CDR2: variants seen among roughly 807,000 people sequenced by gnomAD.
The protein encoded by CDR2 is cerebellar degeneration related protein 2.
Under a neutral mutation model 48.4 loss-of-function variants are expected in CDR2, and 34 were observed. That is an observed-to-expected ratio of 0.70 (90% CI 0.53 to 0.94). The LOEUF (loss-of-function observed/expected upper bound fraction) is 0.94, where lower values mean the gene tolerates loss of function less well. Ranked by LOEUF, CDR2 falls within the 40% of genes least tolerant of loss-of-function variation. The probability of loss-of-function intolerance (pLI) is 0.00; values close to 1 mark genes in which losing one functional copy is unlikely to be tolerated. For synonymous variants in CDR2, 240 were observed against 219.7 expected, an observed-to-expected ratio of 1.09 and a Z score of -0.82; for missense variants, 498 against 549.5, an observed-to-expected ratio of 0.91 and a Z score of 0.94.
chr16:22,357,466 C>T lies in CDR2; in HGVS notation c.192+7436G>A, dbSNP rs570333856. 2.6e-5 allele frequency among the ~76,000 whole-genome samples: 4 copies of T among 152,294 alleles called. No individual in the cohort carries two copies. In the South Asian group the frequency reaches 6.2e-4, roughly 24 times the overall value. ...GTTTCTAGACTTTTCTTCACAACAG[C>T]TTATTGTGCTTGGCATGACTCAGAC... On this transcript the variant is annotated intron_variant, in intron 2 of 4. Coordinates refer to ENST00000268383, the MANE Select transcript of CDR2 (RefSeq NM_001802.2).
In CDR2 at chr16:22,364,625, G is replaced by A. The variant is rs1225366053; in HGVS notation, c.192+277C>T. On this transcript the variant is annotated intron_variant, in intron 2 of 4. Coordinates refer to ENST00000268383, the MANE Select transcript of CDR2 (RefSeq NM_001802.2). ...TGCCTGTAATCCCAGCACTTTGGGA[G>A]GCCAAGGCAGGTGGATCATCTGAGG... Among the ~76,000 whole-genome samples, 6 of 152,280 alleles carry A rather than the reference G, an allele frequency of 3.9e-5. No homozygotes were observed. The East Asian group carries it at 1.2e-3, about 29-fold the overall frequency.
intron 1 of CDR2, among the ~76,000 whole-genome samples, chr16:22,373,385 A>G (rs2049091600): frequency 1.3e-5 from 2 of 152,228 alleles, no homozygotes; most frequent in Admixed American, 6.5e-5. Context: ...ACTATGCCTA[A>G]CAGCTTAACG....
chr16:22,358,433 A>C (rs1380750998), intron 2 of CDR2, among the ~76,000 whole-genome samples: 1 of 152,226 alleles, frequency 6.6e-6, no homozygotes, highest in African/African-American at 2.4e-5. Flanking sequence ...ACAAGGTTCC[A>C]GTTATGCACA....
At chr16:22,350,912 T>C (rs1221413471) in intron 2 of CDR2, among the ~76,000 whole-genome samples, 2 of 152,308 alleles carry the variant, frequency 1.3e-5, no homozygotes, top group African/African-American at 4.8e-5. Flanking sequence ...AGTTCTAGGG[T>C]ACATGTGCAC....
At chr16:22,372,351 G>A (rs2049084190) in intron 1 of CDR2, among the ~76,000 whole-genome samples, 1 of 152,172 alleles carries the variant, frequency 6.6e-6, no homozygotes, top group African/African-American at 2.4e-5. Flanking sequence ...TAAGGCACCT[G>A]ATGGAAGAGA....
intron 1 of CDR2, among the ~76,000 whole-genome samples, chr16:22,372,739 G>A (rs1042907886): frequency 3.3e-5 from 5 of 152,174 alleles, no homozygotes; most frequent in African/African-American, 1.2e-4. Flanking sequence ...AAGTAGCTTG[G>A]ACTCTGTAAG....
intron 1 of CDR2, 70 bp downstream of exon 1, chr16:22,374,161 T>C: frequency 9.6e-7 from 1 of 1,045,094 alleles, no homozygotes; most frequent in Non-Finnish European, 1.4e-6. Context: ...AAAGCAACTT[T>C]TTAACAGTTT....
In CDR2 at chr16:22,347,186, A is replaced by T. The variant is rs528530432; in HGVS notation, c.1144T>A (p.Ser382Thr). 13 of 1,614,170 alleles carry T rather than the reference A, an allele frequency of 8.1e-6. No homozygotes were observed. The South Asian group carries it at 1.4e-4, about 18-fold the overall frequency. The change falls in exon 5 of 5, where the codon TCC (serine) becomes ACC (threonine). Residue 382 changes from serine to threonine, a missense_variant. Physicochemically the swap from Ser to Thr is moderately conservative, Grantham distance 58 (BLOSUM62 1). Transcript: ENST00000268383. Reference protein sequence around the residue: ...DSLSHKAVQTSRAAAKDLTGV... With the variant: ...DSLSHKAVQTTRAAAKDLTGV... ...GTCAGGTCCTTGGCTGCAGCCCTGG[A>T]GGTCTGCACAGCCTTGTGTGACAGG...
chr16:22,364,817 C>T (rs559278396), intron 2 of CDR2, 85 bp downstream of exon 2: 9 of 729,720 alleles, frequency 1.2e-5, no homozygotes, highest in Non-Finnish European at 2.1e-5. Context: ...CATCTAATTG[C>T]AAGTGCTTTT....
intron 1 of CDR2, among the ~76,000 whole-genome samples, chr16:22,371,274 G>A (rs974565150): frequency 5.3e-5 from 8 of 152,118 alleles, no homozygotes; most frequent in South Asian, 2.1e-4. Context: ...TAATAATGAG[G>A]ATGTTAAAAA....
At chr16:22,362,086 A>G (rs1425369575) in intron 2 of CDR2, among the ~76,000 whole-genome samples, 1 of 151,956 alleles carries the variant, frequency 6.6e-6, no homozygotes, top group Non-Finnish European at 1.5e-5. Context: ...TGTTTTTACT[A>G]GAGACGGGGT....
chr16:22,347,299 G>A lies in CDR2; in HGVS notation c.1031C>T (p.Ser344Phe). The change falls in exon 5 of 5, where the codon TCC becomes TTC. Residue 344 changes from serine (S) to phenylalanine (F), a missense_variant. Coordinates refer to ENST00000268383, the MANE Select transcript of CDR2 (RefSeq NM_001802.2). ...CTGCGTGTCCACTTCGTGCAGAAGGGAGATGCCCCTCTGTTTCACAGCCTT... is the reference window on the plus strand; with the variant it reads ...CTGCGTGTCCACTTCGTGCAGAAGGAAGATGCCCCTCTGTTTCACAGCCTT... ...RAKAVKQRGI[S>F]LLHEVDTQYS... 1 of 1,614,236 alleles carries A rather than the reference G, an allele frequency of 6.2e-7. No individual in the cohort carries two copies. The highest frequency in any genetic ancestry group is 1.7e-5 in the Admixed American group (1 of 60,022).
intron 2 of CDR2, among the ~76,000 whole-genome samples, chr16:22,362,467 C>T (rs2049016724): frequency 6.6e-6 from 1 of 152,182 alleles, no homozygotes; most frequent in Non-Finnish European, 1.5e-5. Flanking sequence ...ATTTACACTT[C>T]TTTCAGCTAC....
chr16:22,367,928 T>A (rs1246014164), intron 1 of CDR2, among the ~76,000 whole-genome samples: 2 of 152,126 alleles, frequency 1.3e-5, no homozygotes, highest in African/African-American at 2.4e-5. Flanking sequence ...TTACATTCAT[T>A]AAGACTTTAG....
chr16:22,374,199 G>A, intron 1 of CDR2, 32 bp downstream of exon 1: 6 of 1,498,378 alleles, frequency 4.0e-6, no homozygotes, highest in East Asian at 2.5e-5. Context: ...GGGCCAGGCC[G>A]CCGCCCGCCC....
intron 4 of CDR2, 62 bp downstream of exon 4, chr16:22,349,217 C>G (rs2048925759): frequency 1.3e-6 from 2 of 1,542,474 alleles, no homozygotes; most frequent in African/African-American, 2.7e-5. Context: ...TACTGGAAAT[C>G]AGAATGTGCC....
chr16:22,349,782 A>G lies in CDR2; in HGVS notation c.260T>C (p.Leu87Ser), dbSNP rs1195774477. ...TTCCAGTTCCCTTGCTGTGACGTCT[A>G]ATTGTTCATAAACCTTTGCATGTTG... Reference protein sequence around the residue: ...NEQHAKVYEQLDVTARELEET... With the variant: ...NEQHAKVYEQSDVTARELEET... The change falls in exon 3 of 5, where the codon TTA (leucine) becomes TCA (serine). Residue 87 changes from leucine to serine, a missense_variant. Leu to Ser is a moderately radical substitution (Grantham distance 145). Coordinates refer to ENST00000268383, the MANE Select transcript of CDR2 (RefSeq NM_001802.2). The G allele has an allele frequency of 3.1e-6, 5 of 1,614,066 alleles. No individual in the cohort carries two copies. In the East Asian group the frequency reaches 8.9e-5, roughly 29 times the overall value.
At chr16:22,360,993 T>C (rs1317741070) in intron 2 of CDR2, among the ~76,000 whole-genome samples, 2 of 151,982 alleles carry the variant, frequency 1.3e-5, no homozygotes, top group African/African-American at 4.8e-5. Flanking sequence ...CAGTGATCCA[T>C]CCGCCTCAGC....
chr16:22,361,456 T>C (rs911245588), intron 2 of CDR2, among the ~76,000 whole-genome samples: 1 of 152,224 alleles, frequency 6.6e-6, no homozygotes, highest in African/African-American at 2.4e-5. Flanking sequence ...AGCTGCCTGG[T>C]TACTTTTACA....
Sources: allele counts gnomAD v4.1 joint callset (sites outside exome capture counted in the v4.1 genomes callset), GRCh38; gene constraint gnomAD v4.1.1; transcripts MANE v1.5; gene names NCBI Gene and HGNC (gene_info 2026-07-23, HGNC 2026-07-21).